TM9SF3: variants seen among roughly 807,000 people sequenced by gnomAD.
TM9SF3 encodes the protein SM-11044-binding protein.
Under a neutral mutation model 78.6 loss-of-function variants are expected in TM9SF3, and 14 were observed. The observed-to-expected ratio is 0.18, with a 90% confidence interval of 0.12 to 0.28. The LOEUF (loss-of-function observed/expected upper bound fraction) is 0.28, where lower values mean the gene tolerates loss of function less well. Among genes scored for constraint, TM9SF3 ranks in the 10% least tolerant of loss-of-function variants. The pLI is 1.00. For missense variants in TM9SF3, 496 were observed against 721.9 expected (o/e 0.69, Z 3.59); for synonymous variants, 231 against 241.7 (o/e 0.96, Z 0.41).
chr10:96,540,941 C>T (rs542319482), intron 9 of TM9SF3, among the ~76,000 whole-genome samples: 8 of 151,744 alleles, frequency 5.3e-5, no homozygotes, highest in Non-Finnish European at 5.9e-5. Context: ...CCACACCTGG[C>T]TAATTTTTGT....
intron 3 of TM9SF3, among the ~76,000 whole-genome samples, chr10:96,563,584 G>C (rs1848335561): frequency 1.3e-5 from 2 of 152,020 alleles, no homozygotes; most frequent in South Asian, 4.1e-4. Context: ...CGCCATGCTG[G>C]CCATGGTGGT....
At chr10:96,580,605 GC>G (rs1848556221) in intron 1 of TM9SF3, among the ~76,000 whole-genome samples, 1 of 152,026 alleles carries the variant, frequency 6.6e-6, no homozygotes, top group African/African-American at 2.4e-5. Flanking sequence ...AATTTAGAAT[GC>G]CCTCCTTTTC....
In TM9SF3 at chr10:96,562,748, T is replaced by A. The variant is rs1381084831; in HGVS notation, c.422-610A>T. On this transcript the variant is annotated intron_variant, in intron 3 of 14. Coordinates refer to ENST00000371142, the MANE Select transcript of TM9SF3 (RefSeq NM_020123.4). ...AAGGATACAGTTTAAAATTATCACT[T>A]CAATCATAATTTGGGATATTGGAAA... is the stretch of plus-strand genomic sequence containing the variant. Among the ~76,000 whole-genome samples the A allele has an allele frequency of 2.6e-5, 4 of 152,288 alleles. No individual in the cohort carries two copies. The East Asian group carries it at 7.7e-4, about 29-fold the overall frequency.
At chr10:96,543,095 C>T (rs1848053480) in intron 9 of TM9SF3, among the ~76,000 whole-genome samples, 1 of 152,160 alleles carries the variant, frequency 6.6e-6, no homozygotes, top group Admixed American at 6.5e-5. Flanking sequence ...GGCATATATA[C>T]GTATGAACAT....
At position 96,521,701 on chromosome 10, in the gene TM9SF3, A is replaced by G. The variant is rs1290969621; in HGVS notation, c.*562T>C. 7.1e-6 allele frequency: 1 copy of G among 140,528 alleles called. No individual in the cohort carries two copies. The highest frequency in any genetic ancestry group is 2.6e-5 in the African/African-American group (1 of 38,078). The allele number at this position is 140,528 out of a possible 1,614,324, so 8.7% of individuals were successfully genotyped here. A position where few individuals can be genotyped will look rare whatever the true frequency, so the allele number is the denominator to read the frequency against. On this transcript the variant is annotated 3_prime_UTR_variant, in exon 15 of 15. Coordinates refer to ENST00000371142, the MANE Select transcript of TM9SF3 (RefSeq NM_020123.4). ...TTAATATTTTCTAATTCTCTCTTTTAAAAAAAAGGATGCTGTTGGATTGGG... is the reference window on the plus strand; with the variant it reads ...TTAATATTTTCTAATTCTCTCTTTTGAAAAAAAGGATGCTGTTGGATTGGG...
intron 6 of TM9SF3, among the ~76,000 whole-genome samples, chr10:96,551,833 AAT>A (rs1243228460): frequency 6.6e-6 from 1 of 152,188 alleles, no homozygotes; most frequent in Non-Finnish European, 1.5e-5. Flanking sequence ...ATCCCCTAAG[AAT>A]GCAGAAATGT....
rs117779059 is a variant in TM9SF3 at position 96,580,566 on chromosome 10, C to T, written c.103-3737G>A. On this transcript the variant is annotated intron_variant, in intron 1 of 14. Transcript: ENST00000371142. Reference sequence around the variant, plus strand: ...CAGGCGTGAGCCACTGCGCCTGGCCCCACTTCATCTTCTTTCGTCATTCCA... The same window carrying T: ...CAGGCGTGAGCCACTGCGCCTGGCCTCACTTCATCTTCTTTCGTCATTCCA... Among the ~76,000 whole-genome samples the T allele has an allele frequency of 2.7e-4, 41 of 152,088 alleles. 2 individuals carry two copies. In the East Asian group the frequency reaches 6.2e-3, roughly 23 times the overall value.
In TM9SF3 at chr10:96,544,164, A is replaced by G. The variant is rs1333223953; in HGVS notation, c.1097T>C (p.Ile366Thr). 2 of 1,612,400 alleles carry G rather than the reference A, an allele frequency of 1.2e-6. No individual in the cohort carries two copies. Among genetic ancestry groups the G allele is most frequent in the East Asian group, 2.2e-5 (1 of 44,806 alleles). ...IKQMFIGAFL[I>T]PAMVCGTAFF... is the part of the protein sequence containing the mutation. ...GGCAGTGCCACACACCATAGCTGGG[A>G]TAAGGAATGCCCCAATAAACATCTG... Residue 366 changes from isoleucine to threonine, a missense_variant, in exon 9 of 15, where the codon ATC becomes ACC. By Grantham distance (89) the Ile-to-Thr change is moderately conservative. Transcript: ENST00000371142.
In TM9SF3 at chr10:96,586,892, TCCTCCGCCGCCG is replaced by T. The variant is rs1848640850; in HGVS notation, c.-69_-58del. ...ACCGACTCCTCCTCCCGCCGCCGCC[TCCTCCGCCGCCG>T]CCGCCTCCGCCGCGGCCGATTCGCA... is the stretch of plus-strand genomic sequence containing the variant. On this transcript the variant is annotated 5_prime_UTR_variant, in exon 1 of 15. Transcript: ENST00000371142. 2 of 1,110,906 alleles carry T rather than the reference TCCTCCGCCGCCG, an allele frequency of 1.8e-6. No individual in the cohort carries two copies. Among genetic ancestry groups the T allele is most frequent in the South Asian group, 8.7e-5 (2 of 23,046 alleles). The allele number at this position is 1,110,906 out of a possible 1,614,324, so 68.8% of individuals were successfully genotyped here. A position where few individuals can be genotyped will look rare whatever the true frequency, so the allele number is the denominator to read the frequency against.
At chr10:96,586,232 A>T (rs1166432348) in intron 1 of TM9SF3, among the ~76,000 whole-genome samples, 1 of 152,210 alleles carries the variant, frequency 6.6e-6, no homozygotes, top group African/African-American at 2.4e-5. Context: ...TCTGGGCAGA[A>T]GCGGGCGATA....
chr10:96,529,089 G>A (rs1366414510), intron 11 of TM9SF3, among the ~76,000 whole-genome samples: 1 of 152,108 alleles, frequency 6.6e-6, no homozygotes, highest in Non-Finnish European at 1.5e-5. Flanking sequence ...GGGGACAGGG[G>A]TAGAAGGGAA....
intron 4 of TM9SF3, among the ~76,000 whole-genome samples, chr10:96,561,423 G>A (rs1302913098): frequency 1.3e-5 from 2 of 152,118 alleles, no homozygotes; most frequent in Non-Finnish European, 2.9e-5. Flanking sequence ...CCAGCTATGA[G>A]GCAATAACTG....
rs1335332848 is a variant in TM9SF3 at position 96,551,412 on chromosome 10, C to T, written c.793-1G>A. The T allele has an allele frequency of 6.3e-7, 1 of 1,586,160 alleles. No homozygotes were observed. On this transcript the variant is annotated splice_acceptor_variant, in intron 6 of 14. Transcript: ENST00000371142. LOFTEE classifies it high-confidence loss of function. ...CATATTCATCTCCTAGGTCTCTATC[C>T]TATATACAAATATATATATAGAGAG...
At chr10:96,570,729 A>G (rs79000493) in intron 2 of TM9SF3, among the ~76,000 whole-genome samples, 25,139 of 150,108 alleles carry the variant, frequency 0.17, 2,329 homozygotes, top group East Asian at 0.39. Flanking sequence ...AGACAAAGAG[A>G]AGAGACAACG....
chr10:96,540,160 C>T (rs1848004978), intron 9 of TM9SF3, among the ~76,000 whole-genome samples: 1 of 152,130 alleles, frequency 6.6e-6, no homozygotes, highest in East Asian at 1.9e-4. Context: ...CTTCCCTAGT[C>T]TCACATCCCT....
intron 9 of TM9SF3, among the ~76,000 whole-genome samples, chr10:96,542,979 C>G (rs993460162): frequency 1.3e-5 from 2 of 152,266 alleles, no homozygotes; most frequent in Non-Finnish European, 2.9e-5. Context: ...AAGATTAAAA[C>G]AGATATTGTG....
At chr10:96,523,388 G>C (rs567288457) in intron 14 of TM9SF3, among the ~76,000 whole-genome samples, 1 of 151,758 alleles carries the variant, frequency 6.6e-6, no homozygotes. Flanking sequence ...CAAGAATCAA[G>C]CATCTCTCCT....
intron 8 of TM9SF3, among the ~76,000 whole-genome samples, chr10:96,545,385 C>T (rs570002971): frequency 1.3e-5 from 2 of 152,318 alleles, no homozygotes; most frequent in African/African-American, 4.8e-5. Context: ...AACGTTCCTC[C>T]AGAAAAACTC....
intron 12 of TM9SF3, 29 bp from the exon 13 acceptor site, chr10:96,527,525 A>G (rs1371231877): frequency 3.1e-5 from 48 of 1,543,520 alleles, no homozygotes; most frequent in Non-Finnish European, 3.9e-5. Flanking sequence ...AAGAAGATAA[A>G]TCTCTTTTGA....
Sources: gnomAD v4.1 joint callset for allele counts (sites outside exome capture counted in the v4.1 genomes callset) on GRCh38, gnomAD v4.1.1 for gene constraint, MANE v1.5 for transcripts, NCBI Gene and HGNC (gene_info 2026-07-23, HGNC 2026-07-21) for gene names.